Variants in XRCC1 observed in about 807,000 individuals in gnomAD.
XRCC1 encodes DNA repair protein XRCC1.
XRCC1 carries 52 observed loss-of-function variants against 83.3 expected under a neutral mutation model. That is an observed-to-expected ratio of 0.62 (90% confidence interval 0.50 to 0.79). The LOEUF (loss-of-function observed/expected upper bound fraction) is 0.79, where lower values mean the gene tolerates loss of function less well. Among genes scored for constraint, XRCC1 ranks in the 30% least tolerant of loss-of-function variants. XRCC1 has a pLI of 0.00. For synonymous variants in XRCC1, 281 were observed against 312.6 expected, an observed-to-expected ratio of 0.90 and a Z score of 1.07; for missense variants, 793 against 823.5, an observed-to-expected ratio of 0.96 and a Z score of 0.45.
At chr19:43,558,952 T>A (rs1037015504) in intron 3 of XRCC1, among the ~76,000 whole-genome samples, 1 of 150,822 alleles carries the variant, frequency 6.6e-6, no homozygotes, top group Admixed American at 6.6e-5. Flanking sequence ...AGCCAGGCAA[T>A]GTAGTGAAAC....
At chr19:43,563,495 A>C (rs768005589) in intron 2 of XRCC1, among the ~76,000 whole-genome samples, 1 of 152,096 alleles carries the variant, frequency 6.6e-6, no homozygotes, top group Non-Finnish European at 1.5e-5. Flanking sequence ...TCTGTCTCAA[A>C]AACAACAACA....
At chr19:43,551,868 C>G in intron 9 of XRCC1, 149 bp downstream of exon 9, 1 of 1,086,960 alleles carries the variant, frequency 9.2e-7, no homozygotes, top group East Asian at 2.4e-5. Context: ...AGAGAGAAGA[C>G]AAAGGCTACA....
chr19:43,563,645 G>GCCAATCCCCCTGCCTAGACCACT (rs1316384259), intron 2 of XRCC1, among the ~76,000 whole-genome samples: 1 of 152,120 alleles, frequency 6.6e-6, no homozygotes. Flanking sequence ...CTCTGCACCT[G>GCCAATCCCCCTGCCTAGACCACT]CCAATCCCCC....
At chr19:43,549,983 T>C (rs1972559213) in intron 10 of XRCC1, among the ~76,000 whole-genome samples, 1 of 151,868 alleles carries the variant, frequency 6.6e-6, no homozygotes, top group Non-Finnish European at 1.5e-5. Context: ...GCCCATCCCC[T>C]CTTCTGTTCC....
At chr19:43,565,103 C>T (rs866846256) in intron 2 of XRCC1, among the ~76,000 whole-genome samples, 3 of 152,116 alleles carry the variant, frequency 2.0e-5, no homozygotes, top group Non-Finnish European at 2.9e-5. Context: ...CTGGGGGTTA[C>T]GTGAGGCCCA....
At chr19:43,559,479 C>CAAAAAAAAAAAAAAAAA (rs58121949) in intron 3 of XRCC1, among the ~76,000 whole-genome samples, 1 of 56,532 alleles carries the variant, frequency 1.8e-5, no homozygotes, top group Non-Finnish European at 3.0e-5. Context: ...GACTCCATCT[C>CAAAAAAAAAAAAAAAAA]AAAAAAAAAA....
intron 14 of XRCC1, 122 bp from the exon 15 acceptor site, chr19:43,544,356 A>G (rs1972487357): frequency 2.4e-6 from 2 of 835,454 alleles, no homozygotes; most frequent in Non-Finnish European, 3.8e-6. Context: ...GCAGGGATTG[A>G]TGGCAGGCAG....
intron 4 of XRCC1, among the ~76,000 whole-genome samples, chr19:43,554,268 G>A (rs923938317): frequency 2.6e-5 from 4 of 152,130 alleles, no homozygotes; most frequent in African/African-American, 7.2e-5. Flanking sequence ...CCCAGAGAGC[G>A]TAAGTCACTT....
In XRCC1 at chr19:43,551,545, A is replaced by G. The variant is rs1339976133; in HGVS notation, c.1199+26T>C. ...TGGCATTGCCCAGCACAGGATAAGG[A>G]GCAGGGTTGGCGTGTGAGGCCTTAC... On this transcript the variant is annotated intron_variant, in intron 10 of 16. Transcript: ENST00000262887. 3.8e-6 allele frequency: 6 copies of G among 1,582,438 alleles called. No homozygotes were observed. In the South Asian group the frequency reaches 5.5e-5, roughly 15 times the overall value.
chr19:43,544,587 A>T (rs1330605407), intron 14 of XRCC1, among the ~76,000 whole-genome samples: 1 of 151,290 alleles, frequency 6.6e-6, no homozygotes, highest in Non-Finnish European at 1.5e-5. Context: ...CCTCACTGCA[A>T]CCTCTGCCTC....
At position 43,543,528 on chromosome 19, in the gene XRCC1, T is replaced by TA. The variant is rs922437146; in HGVS notation, c.1789-24dup. On this transcript the variant is annotated intron_variant, in intron 16 of 16. Transcript: ENST00000262887. ...GGCCTGCAGGGTGGGGTGGAGTCCA[T>TA]ACGGGAATGTGTCATCGAGGGGAGG... is the stretch of plus-strand genomic sequence containing the variant. The TA allele has an allele frequency of 1.9e-6, 3 of 1,613,300 alleles. No individual in the cohort carries two copies. In the African/African-American group the frequency reaches 4.0e-5, roughly 22 times the overall value.
intron 1 of XRCC1, 102 bp downstream of exon 1, chr19:43,575,306 A>C (rs1972845554): frequency 3.1e-6 from 4 of 1,296,818 alleles, no homozygotes; most frequent in Non-Finnish European, 4.2e-6. Flanking sequence ...AAATCCCCCC[A>C]TGACTCTCCT....
intron 2 of XRCC1, 26 bp downstream of exon 2, chr19:43,574,884 A>T: frequency 2.5e-6 from 4 of 1,590,074 alleles, no homozygotes; most frequent in South Asian, 2.2e-5. Context: ...ACTCCTAGTG[A>T]GGAGGAGGTG....
At chr19:43,546,831 A>G (rs1972516175) in intron 11 of XRCC1, 53 bp downstream of exon 11, 1 of 1,604,178 alleles carries the variant, frequency 6.2e-7, no homozygotes, top group Non-Finnish European at 8.5e-7. Context: ...GCCACAGCGG[A>G]CTCATGTCAT....
Position 43,544,225 on chromosome 19 carries a change from TG to T in XRCC1, c.1630del (p.Gln544ArgfsTer34). The part of the protein sequence containing the change: ...LPVPELPDFF[Q>X]GKHFFLYGEF... ...CCCGTAAAGAAAGAAGTGCTTGCCC[TG>T]GAAGAAATCTGCAGGAGAGAAGGGG... On this transcript the variant is annotated frameshift_variant, in exon 15 of 17. Coordinates refer to ENST00000262887, the MANE Select transcript of XRCC1 (RefSeq NM_006297.3). LOFTEE classifies it high-confidence loss of function. The T allele has an allele frequency of 6.2e-7, 1 of 1,609,030 alleles. No individual in the cohort carries two copies. The highest frequency in any genetic ancestry group is 1.1e-5 in the South Asian group (1 of 89,864).
chr19:43,543,699 G>T lies in XRCC1; in HGVS notation c.1713-12C>A. The T allele has an allele frequency of 6.2e-7, 1 of 1,613,580 alleles. No homozygotes were observed. Among genetic ancestry groups the T allele is most frequent in the Non-Finnish European group, 8.5e-7 (1 of 1,179,638 alleles). ...AGTCCTCGAGCTCCCTGGCGGGAGA[G>T]AAGAAAAGAGGTAGAAGGCACATCA... On this transcript the variant is annotated splice_polypyrimidine_tract_variant and intron_variant, in intron 15 of 16. Transcript: ENST00000262887.
At chr19:43,567,616 T>G (rs1253464229) in intron 2 of XRCC1, among the ~76,000 whole-genome samples, 1 of 151,850 alleles carries the variant, frequency 6.6e-6, no homozygotes, top group Non-Finnish European at 1.5e-5. Flanking sequence ...CTGGCTGAAA[T>G]GTGCACTTTA....
chr19:43,572,541 T>A (rs980510222), intron 2 of XRCC1, among the ~76,000 whole-genome samples: 5 of 152,232 alleles, frequency 3.3e-5, no homozygotes, highest in South Asian at 4.1e-4. Context: ...CAGTGGCTCA[T>A]GCCTGTAATC....
At chr19:43,573,391 G>A (rs1972823446) in intron 2 of XRCC1, among the ~76,000 whole-genome samples, 1 of 152,154 alleles carries the variant, frequency 6.6e-6, no homozygotes. Context: ...CCTTGCTGAA[G>A]TTAGATGTGC....
Sources: allele counts gnomAD v4.1 joint callset (sites outside exome capture counted in the v4.1 genomes callset), GRCh38; gene constraint gnomAD v4.1.1; transcripts MANE v1.5; gene names NCBI Gene and HGNC (gene_info 2026-07-23, HGNC 2026-07-21).